The following SLC17A3 variants were observed in gnomAD, a reference collection of about 807,000 sequenced individuals.
The protein encoded by SLC17A3 is solute carrier family 17 member 3.
SLC17A3 carries 61 observed loss-of-function variants against 60.3 expected under a neutral mutation model. The ratio of observed to expected loss-of-function variants is 1.01; its 90% CI spans 0.82 to 1.25. The LOEUF is 1.25. Ranked by LOEUF, SLC17A3 falls within the 50% of genes most tolerant of loss-of-function variation. The pLI, the probability that SLC17A3 is intolerant of heterozygous loss-of-function variation, is 0.00. For synonymous variants in SLC17A3, 192 were observed against 208.9 expected (o/e 0.92, Z 0.70); for missense variants, 624 against 594.9 (o/e 1.05, Z -0.51).
chr6:25,855,022 T>C, intron 6 of SLC17A3, 122 bp downstream of exon 6: 1 of 731,564 alleles, frequency 1.4e-6, no homozygotes, highest in South Asian at 1.6e-5. Flanking sequence ...GATTAAGATA[T>C]TTGGTTTTCT....
At chr6:25,849,263 C>T in intron 11 of SLC17A3, 111 bp downstream of exon 11, 2 of 721,474 alleles carry the variant, frequency 2.8e-6, no homozygotes, top group South Asian at 3.1e-5. Context: ...ATCTTAATGA[C>T]AAATTACCCA....
At chr6:25,845,640 TG>T (rs1287216975) in intron 11 of SLC17A3, 124 bp from the exon 12 acceptor site, 1 of 1,113,320 alleles carries the variant, frequency 9.0e-7, no homozygotes, top group African/African-American at 1.6e-5. Context: ...TTCCTGAAAG[TG>T]GCTTGATAGT....
rs751300718 is a variant in SLC17A3 at position 25,845,410 on chromosome 6, G to A, written c.1469C>T (p.Ala490Val). ...IFGEADVQEW[A>V]KERKLTRL ...TAAACGAGTGAGTTTTCTCTCTTTA[G>A]CCCATTCTTGGACATCTGCTTCTCC... The change falls in exon 12 of 13, where the codon GCT becomes GTT. Residue 490 changes from alanine to valine, a missense_variant. Ala to Val is a moderately conservative substitution (Grantham distance 64). Transcript: ENST00000397060. 35 of 1,613,784 alleles carry A rather than the reference G, an allele frequency of 2.2e-5. No homozygotes were observed. The highest frequency in any genetic ancestry group is 2.8e-5 in the Non-Finnish European group (33 of 1,179,936).
chr6:25,850,176 T>C lies in SLC17A3; in HGVS notation c.995A>G (p.Asn332Ser). ...AAAAGGAAGGGCAGATAGAAGTCCA[T>C]TCTAAAGAGAAAAGATTGAGTAAAT... is the stretch of plus-strand genomic sequence containing the variant. ...SSVYHVNIRD[N>S]GLLSALPFIV... The change falls in exon 9 of 13, where the codon AAT (asparagine) becomes AGT (serine). Residue 332 changes from asparagine (N) to serine (S), a missense_variant and splice_region_variant. Transcript: ENST00000397060. The C allele has an allele frequency of 6.2e-7, 1 of 1,613,228 alleles. No individual in the cohort carries two copies. The highest frequency in any genetic ancestry group is 8.5e-7 in the Non-Finnish European group (1 of 1,179,430).
chr6:25,855,974 T>A lies in SLC17A3; in HGVS notation c.626-744A>T, dbSNP rs1016764731. ...TATTCAACAATTAGTCTTGTAAGCG[T>A]TTTTATGTCATTCTAGAGTCTACGC... On this transcript the variant is annotated intron_variant, in intron 5 of 12. Coordinates refer to ENST00000397060, the MANE Select transcript of SLC17A3 (RefSeq NM_001098486.2). Among the ~76,000 whole-genome samples the A allele has an allele frequency of 2.6e-5, 4 of 152,208 alleles. No homozygotes were observed. In the East Asian group the frequency reaches 7.7e-4, roughly 29 times the overall value.
At chr6:25,850,239 A>T in intron 8 of SLC17A3, 62 bp from the exon 9 acceptor site, 1 of 1,516,652 alleles carries the variant, frequency 6.6e-7, no homozygotes, top group Non-Finnish European at 9.1e-7. Flanking sequence ...ACTTTTGTTG[A>T]TAAATTACTA....
chr6:25,853,757 T>C (rs952269715), intron 6 of SLC17A3, among the ~76,000 whole-genome samples: 2 of 152,152 alleles, frequency 1.3e-5, no homozygotes, highest in African/African-American at 4.8e-5. Flanking sequence ...TTCAGTTTGA[T>C]TTAGGTTTAC....
In SLC17A3 at chr6:25,862,486, A is replaced by C. The variant is rs904217075; in HGVS notation, c.92-42T>G. ...ATCATATTAGTGTTTTTTAAAATTG[A>C]GCTAACATTAGTTTTTCACAAGATA... On this transcript the variant is annotated intron_variant, in intron 2 of 12. Coordinates refer to ENST00000397060, the MANE Select transcript of SLC17A3 (RefSeq NM_001098486.2). The C allele has an allele frequency of 2.7e-6, 4 of 1,476,168 alleles. No homozygotes were observed. The Admixed American group carries it at 6.7e-5, about 25-fold the overall frequency. 91.4% of individuals were successfully genotyped at this position (1,476,168 alleles called of 1,614,324 possible).
At position 25,850,040 on chromosome 6, in the gene SLC17A3, G is replaced by C. The variant is rs1268288693; in HGVS notation, c.1123+8C>G. Reference sequence around the variant, plus strand: ...GCAAATTATCTGACCCTCAAGCTCTGTTCTTACCTAAAATTGTGGCAATTT... The same window carrying C: ...GCAAATTATCTGACCCTCAAGCTCTCTTCTTACCTAAAATTGTGGCAATTT... On this transcript the variant is annotated splice_region_variant and intron_variant, in intron 9 of 12. Coordinates refer to ENST00000397060, the MANE Select transcript of SLC17A3 (RefSeq NM_001098486.2). 6.2e-7 allele frequency: 1 copy of C among 1,613,932 alleles called. No homozygotes were observed. The highest frequency in any genetic ancestry group is 8.5e-7 in the Non-Finnish European group (1 of 1,179,830).
chr6:25,855,214 G>A lies in SLC17A3; in HGVS notation c.642C>T (p.Cys214=), dbSNP rs909776940. ...SIALSGMLLG[C]FTAILIGGFI... ...AGCCACCTATGAGGATGGCAGTAAA[G>A]CATCCCAGTAACATTCCTGCAAAGA... The change falls in exon 6 of 13, where the codon TGC becomes TGT. Residue 214 remains cysteine, a synonymous_variant. Transcript: ENST00000397060. The A allele has an allele frequency of 6.2e-7, 1 of 1,613,090 alleles. No individual in the cohort carries two copies. The highest frequency in any genetic ancestry group is 1.7e-5 in the Admixed American group (1 of 59,978).
chr6:25,863,559 G>A (rs534606039), intron 2 of SLC17A3, among the ~76,000 whole-genome samples: 2 of 151,984 alleles, frequency 1.3e-5, no homozygotes, highest in African/African-American at 4.8e-5. Context: ...AATAAATGGA[G>A]CATGTGTACC....
intron 2 of SLC17A3, among the ~76,000 whole-genome samples, chr6:25,863,057 G>T (rs1466115006): frequency 6.6e-6 from 1 of 151,988 alleles, no homozygotes; most frequent in African/African-American, 2.4e-5. Context: ...GTGAAAAATA[G>T]TGGAAAAAGA....
At chr6:25,861,772 T>A in intron 4 of SLC17A3, 24 bp downstream of exon 4, 4 of 1,611,074 alleles carry the variant, frequency 2.5e-6, no homozygotes, top group Non-Finnish European at 3.4e-6. Flanking sequence ...CATATCCAAC[T>A]CAGATTTATA....
In SLC17A3 at chr6:25,850,145, A is replaced by T. The variant is rs376260617; in HGVS notation, c.1026T>A (p.Val342=). ...CTCCCACCATGCCTATGACCCAGGC[A>T]ACAATAAAAGGAAGGGCAGATAGAA... is the stretch of plus-strand genomic sequence containing the variant. ...NGLLSALPFI[V]AWVIGMVGGY... is the part of the protein sequence containing the mutation. The change falls in exon 9 of 13, where the codon GTT becomes GTA. Residue 342 remains valine (V), a synonymous_variant. Transcript: ENST00000397060. 24 of 1,613,850 alleles carry T rather than the reference A, an allele frequency of 1.5e-5. No individual in the cohort carries two copies. Among genetic ancestry groups the T allele is most frequent in the Non-Finnish European group, 2.0e-5 (24 of 1,179,738 alleles).
chr6:25,864,902 T>A (rs1765510653), intron 2 of SLC17A3, among the ~76,000 whole-genome samples: 1 of 151,538 alleles, frequency 6.6e-6, no homozygotes, highest in African/African-American at 2.4e-5. Context: ...GTTGAATAGA[T>A]GGGGGAGGAA....
At position 25,850,816 on chromosome 6, in the gene SLC17A3, G is replaced by A; in HGVS notation, c.774C>T (p.Ser258=). 6.2e-7 allele frequency: 1 copy of A among 1,614,080 alleles called. No individual in the cohort carries two copies. Among genetic ancestry groups the A allele is most frequent in the Non-Finnish European group, 8.5e-7 (1 of 1,179,942 alleles). ...WFVVIYDDPV[S]YPWISTSEKE... ...TTTCTGAGGTGCTTATCCATGGATA[G>A]GAAACGGGGTCATCATAAATCACAA... The change falls in exon 7 of 13, where the codon TCC becomes TCT. Residue 258 remains serine (S), a synonymous_variant. Transcript: ENST00000397060.
intron 6 of SLC17A3, 125 bp from the exon 7 acceptor site, chr6:25,851,002 A>G: frequency 1.3e-6 from 1 of 759,630 alleles, no homozygotes; most frequent in Non-Finnish European, 2.3e-6. Context: ...TCCCTTTTCC[A>G]TTTCTGAAAC....
intron 6 of SLC17A3, among the ~76,000 whole-genome samples, chr6:25,851,992 T>C (rs1242401683): frequency 6.6e-6 from 1 of 152,224 alleles, no homozygotes; most frequent in African/African-American, 2.4e-5. Flanking sequence ...ACTGTTCTCT[T>C]TAATTGACAT....
intron 6 of SLC17A3, among the ~76,000 whole-genome samples, chr6:25,851,141 T>C (rs1165187): frequency 0.25 from 37,507 of 152,030 alleles, 4,848 homozygotes; most frequent in African/African-American, 0.31. Context: ...AGATATCTTA[T>C]GGTTTTTATT....
Sources: gnomAD v4.1 joint callset for allele counts (sites outside exome capture counted in the v4.1 genomes callset) on GRCh38, gnomAD v4.1.1 for gene constraint, MANE v1.5 for transcripts, NCBI Gene and HGNC (gene_info 2026-07-23, HGNC 2026-07-21) for gene names.